The following ESR1 variants were observed in gnomAD, a reference collection of about 807,000 sequenced individuals.
ESR1 encodes the protein estrogen receptor 1, also known as estrogen receptor.
Under a neutral mutation model 52.7 loss-of-function variants are expected in ESR1, and 12 were observed. The ratio of observed to expected loss-of-function variants is 0.23; its 90% CI spans 0.15 to 0.37. The LOEUF is 0.37. Among genes scored for constraint, ESR1 ranks in the 10% least tolerant of loss-of-function variants. ESR1 has a pLI of 1.00. For missense variants in ESR1, 584 were observed against 779.7 expected (o/e 0.75, Z 2.99); for synonymous variants, 305 against 316.8 (o/e 0.96, Z 0.39).
intron 3 of ESR1, among the ~76,000 whole-genome samples, chr6:151,899,362 C>T (rs1796199508): frequency 8.1e-6 from 1 of 124,212 alleles, no homozygotes; most frequent in South Asian, 2.5e-4. Flanking sequence ...GACCCCCCCA[C>T]CTCCTTCCCG....
chr6:151,953,480 T>C (rs541257396), intron 4 of ESR1, among the ~76,000 whole-genome samples: 2 of 152,174 alleles, frequency 1.3e-5, no homozygotes, highest in South Asian at 2.1e-4. Context: ...CCCAATACTT[T>C]GGAAGGCTGA....
chr6:151,990,296 G>C (rs561773806), intron 4 of ESR1, among the ~76,000 whole-genome samples: 3 of 152,058 alleles, frequency 2.0e-5, no homozygotes, highest in Admixed American at 2.0e-4. Context: ...ATATCTGCAT[G>C]TTATGTTAGA....
chr6:151,834,727 G>A (rs181824225), intron 1 of ESR1, among the ~76,000 whole-genome samples: 302 of 152,150 alleles, frequency 2.0e-3, no homozygotes, highest in Non-Finnish European at 3.6e-3. Flanking sequence ...AAACAAACCA[G>A]TGTAAGAGGA....
At chr6:151,837,897 C>T (rs1239872652) in intron 1 of ESR1, among the ~76,000 whole-genome samples, 2 of 152,084 alleles carry the variant, frequency 1.3e-5, no homozygotes, top group African/African-American at 2.4e-5. Context: ...GGATAGGGCT[C>T]GGTTAGGGTT....
chr6:151,900,008 G>A (rs1006456354), intron 3 of ESR1, among the ~76,000 whole-genome samples: 1 of 152,232 alleles, frequency 6.6e-6, no homozygotes, highest in Non-Finnish European at 1.5e-5. Context: ...CCGGGCAGAG[G>A]CTGCAATCTC....
chr6:151,839,078 A>G (rs964119948), intron 1 of ESR1, among the ~76,000 whole-genome samples: 2 of 152,224 alleles, frequency 1.3e-5, no homozygotes, highest in East Asian at 3.8e-4. Flanking sequence ...ACTATGCTCT[A>G]AGCACATGGC....
intron 2 of ESR1, among the ~76,000 whole-genome samples, chr6:151,778,941 TG>T (rs1786275269): frequency 8.1e-6 from 1 of 122,814 alleles, no homozygotes; most frequent in African/African-American, 2.8e-5. Flanking sequence ...AAAGAAAGCC[TG>T]TTTTTTTTTT....
intron 2 of ESR1, among the ~76,000 whole-genome samples, chr6:151,777,624 G>A (rs969364203): frequency 6.6e-6 from 1 of 152,194 alleles, no homozygotes; most frequent in Non-Finnish European, 1.5e-5. Flanking sequence ...ACAGAGGCCA[G>A]AATGCTGAAC....
chr6:151,702,290 A>ATTT (rs1779856454), intron 2 of ESR1, among the ~76,000 whole-genome samples: 1 of 152,168 alleles, frequency 6.6e-6, no homozygotes, highest in African/African-American at 2.4e-5. Context: ...AGAGAGGTTA[A>ATTT]CCAATTTATT....
chr6:151,847,999 A>C (rs1168688985), intron 2 of ESR1, among the ~76,000 whole-genome samples: 1 of 127,500 alleles, frequency 7.8e-6, no homozygotes, highest in African/African-American at 3.0e-5. Context: ...AAGGACTATA[A>C]ATCATGCTGC....
At chr6:152,032,491 C>T (rs1697815545) in intron 5 of ESR1, among the ~76,000 whole-genome samples, 1 of 152,142 alleles carries the variant, frequency 6.6e-6, no homozygotes, top group Non-Finnish European at 1.5e-5. Flanking sequence ...TTCTTATACA[C>T]CAATAACAGA....
chr6:152,122,728 C>T lies in ESR1; in HGVS notation c.851-2538C>T, dbSNP rs368409927. 116 of 1,610,392 alleles carry T rather than the reference C, an allele frequency of 7.2e-5. 1 individual carries two copies. The highest frequency in any genetic ancestry group is 5.2e-4 in the Middle Eastern group (3 of 5,798). ...TCAGATAACTCCAGTGTCGGAGGGACGCTGCTTTTTGCCTCTGCACCTTCC... is the reference window on the plus strand; with the variant it reads ...TCAGATAACTCCAGTGTCGGAGGGATGCTGCTTTTTGCCTCTGCACCTTCC... On this transcript the variant is annotated intron_variant, in intron 6 of 6. Coordinates refer to the ESR1 transcript ENST00000427531.
intron 4 of ESR1, among the ~76,000 whole-genome samples, chr6:151,996,055 C>T (rs1457569833): frequency 6.6e-6 from 1 of 152,180 alleles, no homozygotes; most frequent in Non-Finnish European, 1.5e-5. Context: ...CACTGAATAT[C>T]ATCTCCCTGC....
chr6:151,760,061 A>G (rs1052210980), intron 2 of ESR1, among the ~76,000 whole-genome samples: 5 of 152,238 alleles, frequency 3.3e-5, no homozygotes, highest in Admixed American at 1.3e-4. Context: ...GTAAGCTGAC[A>G]TCAGGGATCA....
chr6:152,001,890 A>AC (rs1160197370), intron 4 of ESR1, among the ~76,000 whole-genome samples: 1 of 151,226 alleles, frequency 6.6e-6, no homozygotes, highest in African/African-American at 2.4e-5. Flanking sequence ...TTCTGAATTA[A>AC]CCCCCCATGT....
intron 2 of ESR1, among the ~76,000 whole-genome samples, chr6:151,792,085 G>A (rs1776215804): frequency 6.6e-6 from 1 of 152,168 alleles, no homozygotes; most frequent in African/African-American, 2.4e-5. Flanking sequence ...CTATAAACCT[G>A]TACAGCATGT....
At chr6:151,788,478 A>C (rs896418710) in intron 2 of ESR1, among the ~76,000 whole-genome samples, 2 of 141,732 alleles carry the variant, frequency 1.4e-5, no homozygotes, top group Admixed American at 6.9e-5. Flanking sequence ...TTGCAGAGAA[A>C]TGGGAACACT....
At chr6:151,895,097 G>T (rs1302053798) in intron 3 of ESR1, among the ~76,000 whole-genome samples, 1 of 148,680 alleles carries the variant, frequency 6.7e-6, no homozygotes, top group Non-Finnish European at 1.5e-5. Context: ...CTTTGTAGAG[G>T]TCCTTCACCT....
At chr6:151,794,244 T>A (rs1312756210) in intron 2 of ESR1, among the ~76,000 whole-genome samples, 2 of 152,248 alleles carry the variant, frequency 1.3e-5, no homozygotes, top group Non-Finnish European at 2.9e-5. Flanking sequence ...ATTGTTTTCC[T>A]CTTATTGGAG....
Sources: gnomAD v4.1 joint callset for allele counts (sites outside exome capture counted in the v4.1 genomes callset) on GRCh38, gnomAD v4.1.1 for gene constraint, MANE v1.5 for transcripts, NCBI Gene and HGNC (gene_info 2026-07-23, HGNC 2026-07-21) for gene names.